TPRG1: variants seen among roughly 807,000 people sequenced by gnomAD.
The protein encoded by TPRG1 is tumor protein p63 regulated 1.
A neutral mutation model predicts 29.3 loss-of-function variants in TPRG1; 29 were observed. That is an observed-to-expected ratio of 0.99 (90% CI 0.74 to 1.35). The LOEUF is 1.35. Ranked by LOEUF, TPRG1 falls within the 40% of genes most tolerant of loss-of-function variation. The probability of loss-of-function intolerance (pLI) is 0.00; values close to 1 mark genes in which losing one functional copy is unlikely to be tolerated. For missense variants in TPRG1, 327 were observed against 335.0 expected (o/e 0.98, Z 0.19); for synonymous variants, 130 against 116.8 (o/e 1.11, Z -0.73).
intron 2 of TPRG1, among the ~76,000 whole-genome samples, chr3:189,210,687 C>G (rs76568920): frequency 7.9e-4 from 120 of 152,312 alleles, no homozygotes; most frequent in African/African-American, 2.8e-3. Context: ...CTAATCAACA[C>G]ACTTGTTCTC....
At chr3:189,300,238 A>G (rs1280593433) in intron 4 of TPRG1, among the ~76,000 whole-genome samples, 1 of 152,232 alleles carries the variant, frequency 6.6e-6, no homozygotes, top group South Asian at 2.1e-4. Context: ...CTACTACTTA[A>G]TGTCTTTAGA....
rs151262013 is a variant in TPRG1, at chr3:189,324,228, A to T, written c.*3408A>T. On this transcript the variant is annotated 3_prime_UTR_variant, in exon 6 of 6. Coordinates refer to ENST00000345063, the MANE Select transcript of TPRG1 (RefSeq NM_198485.4). ...GAGTTCTGGGGATAAGAAGGCAGAAAAACCATGTCAATTCAGTGCTTTTAT... is the reference window on the plus strand; with the variant it reads ...GAGTTCTGGGGATAAGAAGGCAGAATAACCATGTCAATTCAGTGCTTTTAT... 1 of 152,280 alleles carries T rather than the reference A, an allele frequency of 6.6e-6. No individual in the cohort carries two copies. The highest frequency in any genetic ancestry group is 1.5e-5 in the Non-Finnish European group (1 of 68,008). The allele number at this position is 152,280 out of a possible 1,614,324, so 9.4% of individuals were successfully genotyped here.
intron 4 of TPRG1, among the ~76,000 whole-genome samples, chr3:189,030,792 T>G (rs1281703477): frequency 6.6e-6 from 1 of 152,166 alleles, no homozygotes; most frequent in African/African-American, 2.4e-5. Context: ...TACCCTTCAA[T>G]TCTATGAATT....
At chr3:189,139,363 G>T (rs1196405116) in intron 3 of TPRG1, among the ~76,000 whole-genome samples, 1 of 152,146 alleles carries the variant, frequency 6.6e-6, no homozygotes, top group Non-Finnish European at 1.5e-5. Flanking sequence ...CTGGACTGGG[G>T]GCCAGGATCC....
chr3:189,179,548 CTA>C (rs1429428534), intron 1 of TPRG1, among the ~76,000 whole-genome samples: 7 of 152,182 alleles, frequency 4.6e-5, no homozygotes, highest in African/African-American at 1.7e-4. Flanking sequence ...CTATTGCACA[CTA>C]TACAGATTAT....
chr3:189,085,449 G>A (rs948301721), intron 4 of TPRG1, among the ~76,000 whole-genome samples: 1 of 111,360 alleles, frequency 9.0e-6, no homozygotes, highest in African/African-American at 4.0e-5. Flanking sequence ...GTGTGTGCAT[G>A]TGTGTGTGTG....
intron 3 of TPRG1, among the ~76,000 whole-genome samples, chr3:189,021,543 A>T (rs1001354347): frequency 1.3e-5 from 2 of 152,052 alleles, no homozygotes; most frequent in Admixed American, 1.3e-4. Context: ...TTTCTTTAAG[A>T]ATGTTGAATA....
intron 1 of TPRG1, among the ~76,000 whole-genome samples, chr3:189,123,929 C>T (rs1343182692): frequency 2.2e-4 from 33 of 152,172 alleles, no homozygotes; most frequent in Admixed American, 2.2e-3. Context: ...CCCATCAAGG[C>T]TGGCAACTCA....
At chr3:189,289,202 G>C (rs1307643634) in intron 4 of TPRG1, among the ~76,000 whole-genome samples, 1 of 152,116 alleles carries the variant, frequency 6.6e-6, no homozygotes, top group Non-Finnish European at 1.5e-5. Flanking sequence ...TTAAAAACCT[G>C]CTTCTCTTCT....
chr3:189,029,155 C>T (rs937252814), intron 4 of TPRG1, among the ~76,000 whole-genome samples: 2 of 152,088 alleles, frequency 1.3e-5, no homozygotes, highest in African/African-American at 4.8e-5. Flanking sequence ...ATGATAATGC[C>T]TGCTATCCTG....
rs140848479 is a variant in TPRG1, at chr3:189,213,049, A to G, written c.211-2243A>G. Among the ~76,000 whole-genome samples, 17 of 152,332 alleles carry G rather than the reference A, an allele frequency of 1.1e-4. No individual in the cohort carries two copies. The South Asian group carries it at 2.9e-3, about 26-fold the overall frequency. On this transcript the variant is annotated intron_variant, in intron 2 of 5. Transcript: ENST00000345063. ...TATTTCCCTGTTTGTCTTAGGCTGC[A>G]TGATGTCTCAGAGCTGATTATTCAA...
At chr3:189,164,211 G>A (rs1249712125) in intron 5 of TPRG1, among the ~76,000 whole-genome samples, 1 of 151,614 alleles carries the variant, frequency 6.6e-6, no homozygotes, top group African/African-American at 2.4e-5. Context: ...CACCCAGGCT[G>A]GAGTGCAGTG....
intron 4 of TPRG1, among the ~76,000 whole-genome samples, chr3:189,071,398 G>A (rs537997209): frequency 2.0e-5 from 3 of 151,816 alleles, no homozygotes; most frequent in South Asian, 2.1e-4. Context: ...ACTTAGTAGT[G>A]TATGAGTTTT....
At chr3:189,005,329 T>C (rs569822215) in intron 3 of TPRG1, among the ~76,000 whole-genome samples, 48 of 152,250 alleles carry the variant, frequency 3.2e-4, no homozygotes, top group Admixed American at 7.2e-4. Context: ...TCTTAATTGA[T>C]TCACTGATTT....
chr3:189,074,162 C>T (rs182956594), intron 4 of TPRG1, among the ~76,000 whole-genome samples: 1 of 110,460 alleles, frequency 9.1e-6, no homozygotes, highest in East Asian at 2.6e-4. Context: ...TTCATGTTGG[C>T]GTTTGGAGTT....
chr3:189,310,737 T>G (rs1271070816), intron 5 of TPRG1, among the ~76,000 whole-genome samples, 198 bp downstream of exon 5: 1 of 152,198 alleles, frequency 6.6e-6, no homozygotes, highest in East Asian at 1.9e-4. Context: ...CAAACTGTTT[T>G]TATATGTAAA....
chr3:189,314,875 C>T (rs777857494), intron 5 of TPRG1, among the ~76,000 whole-genome samples: 37 of 152,204 alleles, frequency 2.4e-4, no homozygotes, highest in Admixed American at 4.6e-4. Flanking sequence ...GTCCCAGTGA[C>T]TCAGGAGGCT....
chr3:189,075,848 A>G (rs1289057890), intron 4 of TPRG1, among the ~76,000 whole-genome samples: 1 of 152,204 alleles, frequency 6.6e-6, no homozygotes, highest in Non-Finnish European at 1.5e-5. Context: ...ATCTTCAAGC[A>G]GTCAGCCTAG....
upstream of TPRG1, among the ~76,000 whole-genome samples, chr3:189,167,850 C>A (rs979308728): frequency 1.3e-5 from 2 of 152,160 alleles, no homozygotes; most frequent in African/African-American, 4.8e-5. Context: ...CTTCGAGATT[C>A]TGTGGCTGTC....
Sources: gnomAD v4.1 joint callset for allele counts (sites outside exome capture counted in the v4.1 genomes callset) on GRCh38, gnomAD v4.1.1 for gene constraint, MANE v1.5 for transcripts, NCBI Gene and HGNC (gene_info 2026-07-23, HGNC 2026-07-21) for gene names.